PHKB: variants seen among roughly 807,000 people sequenced by gnomAD.
The protein encoded by PHKB is phosphorylase kinase regulatory subunit beta, also known as phosphorylase b kinase regulatory subunit beta.
Under a neutral mutation model 152.1 loss-of-function variants are expected in PHKB, and 122 were observed. The ratio of observed to expected loss-of-function variants is 0.80; its 90% confidence interval spans 0.69 to 0.93. The LOEUF (loss-of-function observed/expected upper bound fraction) is 0.93, where lower values mean the gene tolerates loss of function less well. Among genes scored for constraint, PHKB ranks in the 40% least tolerant of loss-of-function variants. PHKB has a pLI of 0.00. For synonymous variants in PHKB, 436 were observed against 464.9 expected (o/e 0.94, Z 0.80); for missense variants, 1,304 against 1,328.4 (o/e 0.98, Z 0.29).
Position 47,515,530 on chromosome 16 carries a change from G to C in PHKB, c.523G>C (p.Val175Leu). ...TTTCTGTTTGTTGCAGATAAATGCAGTGTCACTTTATCTCCTTTACCTTGT... is the reference window on the plus strand; with the variant it reads ...TTTCTGTTTGTTGCAGATAAATGCACTGTCACTTTATCTCCTTTACCTTGT... ...EEYGHLQINA[V>L]SLYLLYLVEM... is the part of the protein sequence containing the mutation. Residue 175 changes from valine (V) to leucine (L), a missense_variant, in exon 6 of 31, where the codon GTG becomes CTG. Transcript: ENST00000323584. 1.4e-6 allele frequency: 2 copies of C among 1,411,806 alleles called. No homozygotes were observed. The highest frequency in any genetic ancestry group is 1.0e-6 in the Non-Finnish European group (1 of 995,972). 87.5% of individuals were successfully genotyped at this position (1,411,806 alleles called of 1,614,324 possible). A position where few individuals can be genotyped will look rare whatever the true frequency, so the allele number is the denominator to read the frequency against.
intron 14 of PHKB, among the ~76,000 whole-genome samples, chr16:47,631,624 C>T (rs536867694): frequency 2.6e-5 from 4 of 152,188 alleles, no homozygotes; most frequent in African/African-American, 4.8e-5. Flanking sequence ...GCTGTCCCCC[C>T]GCTAGCCTCC....
chr16:47,559,269 C>T (rs1971435477), intron 7 of PHKB, among the ~76,000 whole-genome samples: 1 of 152,122 alleles, frequency 6.6e-6, no homozygotes, highest in Admixed American at 6.6e-5. Flanking sequence ...TCCAGTACTA[C>T]CGTAATTTGG....
At chr16:47,546,529 C>T (rs183035215) in intron 6 of PHKB, among the ~76,000 whole-genome samples, 27 of 152,280 alleles carry the variant, frequency 1.8e-4, no homozygotes, top group Admixed American at 8.5e-4. Flanking sequence ...AGCCCCTACT[C>T]GGACGTGTCT....
At chr16:47,660,847 C>T in intron 22 of PHKB, 28 bp downstream of exon 22, 2 of 1,611,670 alleles carry the variant, frequency 1.2e-6, no homozygotes, top group South Asian at 2.2e-5. Flanking sequence ...CCCACATGGC[C>T]CTAAGTGAGG....
intron 1 of PHKB, among the ~76,000 whole-genome samples, chr16:47,472,469 C>T (rs773050164): frequency 4.6e-5 from 7 of 151,940 alleles, no homozygotes; most frequent in East Asian, 1.9e-4. Context: ...TGCAACATGA[C>T]GAAACCATCT....
At chr16:47,698,254 GA>G (rs1325975076) in intron 29 of PHKB, among the ~76,000 whole-genome samples, 193 bp from the exon 30 acceptor site, 2 of 151,784 alleles carry the variant, frequency 1.3e-5, no homozygotes, top group African/African-American at 2.4e-5. Context: ...TACACACAAT[GA>G]AAAAAAAGGT....
In PHKB at chr16:47,610,796, C is replaced by T. The variant is rs60269785; in HGVS notation, c.1364-30C>T. On this transcript the variant is annotated intron_variant, in intron 13 of 30. Transcript: ENST00000323584. ...TTATAGTGTTATGCAAATGCATTTTCGATAATGTCATTCCCCTTCTTTTTT... is the reference window on the plus strand; with the variant it reads ...TTATAGTGTTATGCAAATGCATTTTTGATAATGTCATTCCCCTTCTTTTTT... The T allele has an allele frequency of 1.7e-3, 2,135 of 1,283,088 alleles. 23 individuals carry two copies. The African/African-American group carries it at 0.025, about 15-fold the overall frequency. 79.5% of individuals were successfully genotyped at this position (1,283,088 alleles called of 1,614,324 possible).
chr16:47,539,513 T>C (rs1292116935), intron 6 of PHKB, among the ~76,000 whole-genome samples: 1 of 152,100 alleles, frequency 6.6e-6, no homozygotes, highest in Non-Finnish European at 1.5e-5. Context: ...ATAGATACAT[T>C]GTTGAAGAAT....
rs370212982 is a variant in PHKB at position 47,639,790 on chromosome 16, C to T, written c.1459-1245C>T. ...TCCCACAACTGTCCTGAAGATTGTA[C>T]ATAATGGCCTATTCTAAGGTTACTC... is the stretch of plus-strand genomic sequence containing the variant. On this transcript the variant is annotated intron_variant, in intron 14 of 30. Transcript: ENST00000323584. 2.0e-4 allele frequency among the ~76,000 whole-genome samples: 30 copies of T among 152,146 alleles called. No homozygotes were observed. The East Asian group carries it at 4.6e-3, about 23-fold the overall frequency.
chr16:47,683,198 C>A (rs1973896212), intron 26 of PHKB, among the ~76,000 whole-genome samples: 1 of 152,222 alleles, frequency 6.6e-6, no homozygotes, highest in Admixed American at 6.5e-5. Flanking sequence ...CCCAGTTAGG[C>A]TGCTCGGGGG....
intron 26 of PHKB, chr16:47,676,204 A>G (rs1973729837): frequency 6.6e-6 from 1 of 152,206 alleles, no homozygotes; most frequent in Non-Finnish European, 1.5e-5. Flanking sequence ...TAAATTGTTG[A>G]ACATGTAACT....
chr16:47,673,519 AAGATATCAGG>A (rs1440311838), intron 26 of PHKB, among the ~76,000 whole-genome samples: 1 of 152,166 alleles, frequency 6.6e-6, no homozygotes, highest in Non-Finnish European at 1.5e-5. Flanking sequence ...ATATATACAG[AAGATATCAGG>A]ATGTAGCACT....
intron 6 of PHKB, among the ~76,000 whole-genome samples, chr16:47,524,130 G>A (rs900818827): frequency 6.6e-5 from 10 of 152,060 alleles, no homozygotes; most frequent in African/African-American, 9.7e-5. Flanking sequence ...TTGAATTTCC[G>A]GAGTTCTGAA....
intron 7 of PHKB, among the ~76,000 whole-genome samples, chr16:47,569,117 G>A (rs1971615754): frequency 1.3e-5 from 2 of 152,158 alleles, no homozygotes; most frequent in South Asian, 4.1e-4. Flanking sequence ...TCAATGAAGT[G>A]TTGAAGTCTC....
chr16:47,486,683 C>A (rs1322142047), intron 1 of PHKB, among the ~76,000 whole-genome samples: 1 of 152,076 alleles, frequency 6.6e-6, no homozygotes, highest in South Asian at 2.1e-4. Flanking sequence ...TATGAGTACC[C>A]GGAATATACA....
chr16:47,631,472 A>G (rs1394030117), intron 14 of PHKB, among the ~76,000 whole-genome samples: 1 of 152,228 alleles, frequency 6.6e-6, no homozygotes, highest in African/African-American at 2.4e-5. Context: ...GCAAGAACAT[A>G]ATGAGATAAC....
At chr16:47,523,509 A>C (rs1970718158) in intron 6 of PHKB, among the ~76,000 whole-genome samples, 1 of 152,178 alleles carries the variant, frequency 6.6e-6, no homozygotes, top group Admixed American at 6.5e-5. Flanking sequence ...ATAACTTGAA[A>C]GCTCTCATAG....
intron 1 of PHKB, among the ~76,000 whole-genome samples, chr16:47,486,816 T>A (rs1367052311): frequency 1.3e-5 from 2 of 152,234 alleles, no homozygotes; most frequent in Non-Finnish European, 2.9e-5. Flanking sequence ...CACTGCTTCT[T>A]TGTACATACT....
At chr16:47,481,766 A>T (rs75553071) in intron 1 of PHKB, among the ~76,000 whole-genome samples, 3 of 152,176 alleles carry the variant, frequency 2.0e-5, no homozygotes, top group Non-Finnish European at 2.9e-5. Context: ...AATTTTCTCC[A>T]CTTTTCAGAT....
Sources: gnomAD v4.1 joint callset for allele counts (sites outside exome capture counted in the v4.1 genomes callset) on GRCh38, gnomAD v4.1.1 for gene constraint, MANE v1.5 for transcripts, NCBI Gene and HGNC (gene_info 2026-07-23, HGNC 2026-07-21) for gene names.